PRB4: variants seen among roughly 807,000 people sequenced by gnomAD.
The protein encoded by PRB4 is proline rich protein BstNI subfamily 4.
A neutral mutation model predicts 9.1 loss-of-function variants in PRB4; 14 were observed. The observed-to-expected ratio is 1.54, with a 90% confidence interval of 1.02 to 2.41. PRB4 has a LOEUF of 2.41. Among genes scored for constraint, PRB4 ranks in the 30% most tolerant of loss-of-function variants. The pLI, the probability that PRB4 is intolerant of heterozygous loss-of-function variation, is 0.00. For missense variants in PRB4, 381 were observed against 299.3 expected (o/e 1.27, Z -2.02); for synonymous variants, 102 against 108.5 (o/e 0.94, Z 0.37).
In PRB4 at chr12:11,310,431, T is replaced by C; in HGVS notation, c.-33A>G. ...GAGGCTCTGGAGTCACTCCCAACTCTGTGCTGGGAGGAACGTGGCAACTCC... is the reference window on the plus strand; with the variant it reads ...GAGGCTCTGGAGTCACTCCCAACTCCGTGCTGGGAGGAACGTGGCAACTCC... On this transcript the variant is annotated 5_prime_UTR_variant, in exon 1 of 4. Transcript: ENST00000279575. The C allele has an allele frequency of 6.2e-7, 1 of 1,613,064 alleles. No homozygotes were observed. Among genetic ancestry groups the C allele is most frequent in the African/African-American group, 1.3e-5 (1 of 75,026 alleles).
chr12:11,307,794 A>C (rs745487893), intron 3 of PRB4, among the ~76,000 whole-genome samples: 1 of 152,324 alleles, frequency 6.6e-6, no homozygotes, highest in Non-Finnish European at 1.5e-5. Flanking sequence ...AAAGTTAAGT[A>C]TCTAAAAAGT....
rs1862953753 is a variant in PRB4, at chr12:11,308,215, T to A, written c.*18+6A>T. On this transcript the variant is annotated splice_donor_region_variant and intron_variant, in intron 3 of 3. Transcript: ENST00000279575. The stretch of plus-strand genomic sequence containing the variant: ...AGTCCTGATGAATAATAAAGTGGAA[T>A]CATACCTGTCATTGAATCCTAGATT... The A allele has an allele frequency of 6.2e-7, 1 of 1,605,104 alleles. No individual in the cohort carries two copies. Among genetic ancestry groups the A allele is most frequent in the African/African-American group, 1.3e-5 (1 of 74,628 alleles).
chr12:11,309,511 C>T, intron 1 of PRB4, 106 bp from the exon 2 acceptor site: 1 of 1,598,910 alleles, frequency 6.3e-7, no homozygotes, highest in Non-Finnish European at 8.6e-7. Context: ...CATGCATCCC[C>T]TAGGTTAACT....
Position 11,308,263 on chromosome 12 carries a change from G to A in PRB4, c.720C>T (p.Ala240=). The part of the protein sequence containing the change: ...PPQGGRPPRP[A]QGQQPPQ ...ATTACTGGGGAGGCTGTTGTCCCTG[G>A]GCAGGTCTGGGTGGCCTGCCCCCTT... The change falls in exon 3 of 4, where the codon GCC becomes GCT. Residue 240 remains alanine (A), a synonymous_variant. Transcript: ENST00000279575. 6.2e-7 allele frequency: 1 copy of A among 1,610,470 alleles called. No homozygotes were observed. The highest frequency in any genetic ancestry group is 8.5e-7 in the Non-Finnish European group (1 of 1,178,514).
rs1862982812 is a variant in PRB4, at chr12:11,308,802, G to A, written c.181C>T (p.Pro61Ser). The A allele has an allele frequency of 6.3e-7, 1 of 1,592,718 alleles. No individual in the cohort carries two copies. The highest frequency in any genetic ancestry group is 1.1e-5 in the South Asian group (1 of 89,830). ...TGGGACTGGTTTCCTCCTTGTGGGG[G>A]TGGTCCTTGTGGCTTTCCTGGAGGA... ...PPPPGKPQGP[P>S]PQGGNQSQGP... is the part of the protein sequence containing the mutation. Residue 61 changes from proline to serine, a missense_variant, in exon 3 of 4, where the codon CCC becomes TCC. Around this residue, in one of 3 missense-constraint regions of PRB4, gnomAD observed 151 missense variants for 105.8 expected, o/e 1.43. Coordinates refer to ENST00000279575, the MANE Select transcript of PRB4 (RefSeq NM_002723.6).
rs1260218619 is a variant in PRB4, at chr12:11,309,398, G to C, written c.72C>G (p.Ser24Arg). The change falls in exon 2 of 4, where the codon AGC becomes AGG. Residue 24 changes from serine (S) to arginine (R), a missense_variant. Transcript: ENST00000279575. ...SSAESSSEDV[S>R]QEESLFLISG... ...ATATTAGGAAGAGAGATTCTTCCTG[G>C]CTGACATCTAGAAGAGAAGCACAGG... The C allele has an allele frequency of 6.2e-7, 1 of 1,614,094 alleles. No individual in the cohort carries two copies. The highest frequency in any genetic ancestry group is 1.7e-5 in the Admixed American group (1 of 60,026).
intron 2 of PRB4, 75 bp from the exon 3 acceptor site, chr12:11,308,957 G>A (rs1199138652): frequency 8.9e-6 from 14 of 1,576,218 alleles, no homozygotes; most frequent in Non-Finnish European, 1.2e-5. Flanking sequence ...GCTAAATGGG[G>A]AAATGCACAA....
rs759960528 is a variant in PRB4, at chr12:11,308,253, G to A, written c.730C>T (p.Gln244Ter). The A allele has an allele frequency of 1.9e-6, 3 of 1,610,694 alleles. No individual in the cohort carries two copies. The highest frequency in any genetic ancestry group is 1.1e-5 in the South Asian group (1 of 90,442). The change falls in exon 3 of 4, where the codon CAG (glutamine) becomes TAG (stop). Residue 244 changes from glutamine (Q) to a stop codon, truncating the protein, a stop_gained. Coordinates refer to ENST00000279575, the MANE Select transcript of PRB4 (RefSeq NM_002723.6). LOFTEE classifies it low-confidence loss of function (END_TRUNC). ...GRPPRPAQGQ[Q>*]PPQ The stretch of plus-strand genomic sequence containing the variant: ...TGAATCCTAGATTACTGGGGAGGCT[G>A]TTGTCCCTGGGCAGGTCTGGGTGGC...
Position 11,310,403 on chromosome 12 carries a change from C to A in PRB4, c.-5G>T. Reference sequence around the variant, plus strand: ...TGACAGCAGAATCAGCAGCATCTCGCTGGAGGCTCTGGAGTCACTCCCAAC... The same window carrying A: ...TGACAGCAGAATCAGCAGCATCTCGATGGAGGCTCTGGAGTCACTCCCAAC... On this transcript the variant is annotated 5_prime_UTR_variant, in exon 1 of 4. Transcript: ENST00000279575. 2 of 1,614,228 alleles carry A rather than the reference C, an allele frequency of 1.2e-6. No homozygotes were observed.
chr12:11,309,343 A>G, intron 2 of PRB4, 27 bp downstream of exon 2: 1 of 1,614,138 alleles, frequency 6.2e-7, no homozygotes, highest in Non-Finnish European at 8.5e-7. Flanking sequence ...GGGAGTCAAA[A>G]CAGATTGAGA....
chr12:11,309,473 C>A (rs1863004052), intron 1 of PRB4, 68 bp from the exon 2 acceptor site: 1 of 1,613,236 alleles, frequency 6.2e-7, no homozygotes, highest in East Asian at 2.2e-5. Context: ...AAGTGTTCTA[C>A]AGGGAAAATT....
In PRB4 at chr12:11,308,427, G is replaced by T. The variant is rs751305802; in HGVS notation, c.556C>A (p.Pro186Thr). ...ARSPPGKPQG[P>T]PQQEGNKPQG... is the part of the protein sequence containing the mutation. ...GGCTTGTTGCCTTCTTGTTGGGGTG[G>T]TCCTTGTGGCTTTCCTGGAGGAGAT... Residue 186 changes from proline (P) to threonine (T), a missense_variant, in exon 3 of 4, where the codon CCA becomes ACA. By Grantham distance (38) the Pro-to-Thr change is conservative (BLOSUM62 -1). Transcript: ENST00000279575. 5.0e-6 allele frequency: 8 copies of T among 1,613,834 alleles called. No homozygotes were observed. The highest frequency in any genetic ancestry group is 6.8e-6 in the Non-Finnish European group (8 of 1,179,870).
chr12:11,307,465 A>G (rs1862939593), intron 3 of PRB4, among the ~76,000 whole-genome samples: 1 of 152,238 alleles, frequency 6.6e-6, no homozygotes, highest in Admixed American at 6.5e-5. Context: ...ATAGAGTAGT[A>G]TAAAAATGTA....
In PRB4 at chr12:11,308,862, G is replaced by T; in HGVS notation, c.121C>A (p.Pro41Thr). The T allele has an allele frequency of 6.3e-7, 1 of 1,592,972 alleles. No homozygotes were observed. ...LISGKPEGRR[P>T]QGGNQPQRPP... Reference sequence around the variant, plus strand: ...CGTTGGGGCTGGTTTCCTCCTTGTGGGCGTCGTCCTTCTGGCTTTCCTGGA... The same window carrying T: ...CGTTGGGGCTGGTTTCCTCCTTGTGTGCGTCGTCCTTCTGGCTTTCCTGGA... Residue 41 changes from proline to threonine, a missense_variant, in exon 3 of 4, where the codon CCA (proline) becomes ACA (threonine). Physicochemically the swap from Pro to Thr is conservative, Grantham distance 38. Around this residue, in one of 3 missense-constraint regions of PRB4, gnomAD observed 151 missense variants for 105.8 expected, o/e 1.43. Coordinates refer to ENST00000279575, the MANE Select transcript of PRB4 (RefSeq NM_002723.6).
intron 1 of PRB4, 77 bp from the exon 2 acceptor site, chr12:11,309,482 T>C (rs1449787456): frequency 6.2e-7 from 1 of 1,612,492 alleles, no homozygotes; most frequent in African/African-American, 1.3e-5. Context: ...ACAGGGAAAA[T>C]TGTCTTCTCA....
chr12:11,308,140 G>T, intron 3 of PRB4, 81 bp downstream of exon 3: 7 of 1,478,054 alleles, frequency 4.7e-6, no homozygotes, highest in Non-Finnish European at 6.5e-6. Flanking sequence ...ATGTCAATGG[G>T]TTTTAGTTGA....
Position 11,308,796 on chromosome 12 carries a change from G to T in PRB4, c.187C>A (p.Gln63Lys). The T allele has an allele frequency of 1.3e-6, 2 of 1,591,732 alleles. No homozygotes were observed. The highest frequency in any genetic ancestry group is 1.1e-5 in the South Asian group (1 of 89,764). Reference sequence around the variant, plus strand: ...GGACCTTGGGACTGGTTTCCTCCTTGTGGGGGTGGTCCTTGTGGCTTTCCT... The same window carrying T: ...GGACCTTGGGACTGGTTTCCTCCTTTTGGGGGTGGTCCTTGTGGCTTTCCT... ...PPGKPQGPPP[Q>K]GGNQSQGPPP... is the part of the protein sequence containing the mutation. Residue 63 changes from glutamine to lysine, a missense_variant, in exon 3 of 4, where the codon CAA becomes AAA. Physicochemically the swap from Gln to Lys is moderately conservative, Grantham distance 53. Coordinates refer to ENST00000279575, the MANE Select transcript of PRB4 (RefSeq NM_002723.6).
intron 1 of PRB4, 39 bp from the exon 2 acceptor site, chr12:11,309,444 T>A (rs1863003302): frequency 6.2e-7 from 1 of 1,613,972 alleles, no homozygotes; most frequent in Non-Finnish European, 8.5e-7. Context: ...ATGTTACATC[T>A]CAAATCTTCA....
intron 1 of PRB4, among the ~76,000 whole-genome samples, chr12:11,309,991 A>G (rs113750752): frequency 1.1e-4 from 17 of 152,320 alleles, no homozygotes; most frequent in African/African-American, 4.1e-4. Context: ...CAAGGCCACC[A>G]TCATCCCTGT....
Sources: allele counts gnomAD v4.1 joint callset (sites outside exome capture counted in the v4.1 genomes callset), GRCh38; gene constraint gnomAD v4.1.1; regional missense constraint gnomAD v4.1.1; transcripts MANE v1.5; gene names NCBI Gene and HGNC (gene_info 2026-07-23, HGNC 2026-07-21).